The following HERC2 variants were observed in gnomAD, a reference collection of about 807,000 sequenced individuals.
HERC2 encodes HECT and RLD domain containing E3 ubiquitin protein ligase 2, also known as E3 ubiquitin-protein ligase HERC2.
A neutral mutation model predicts 537.7 loss-of-function variants in HERC2; 102 were observed. That is an observed-to-expected ratio of 0.19 (90% CI 0.16 to 0.22). HERC2 has a LOEUF of 0.22. Among genes scored for constraint, HERC2 ranks in the 10% least tolerant of loss-of-function variants. The pLI is 1.00. For missense variants in HERC2, 4,236 were observed against 6,198.2 expected, an observed-to-expected ratio of 0.68 and a Z score of 10.63; for synonymous variants, 2,224 against 2,466.2, an observed-to-expected ratio of 0.90 and a Z score of 2.91.
chr15:28,112,704 T>C (rs1887782840), intron 92 of HERC2, among the ~76,000 whole-genome samples: 1 of 152,102 alleles, frequency 6.6e-6, no homozygotes, highest in East Asian at 1.9e-4. Flanking sequence ...GCAAAACCCT[T>C]GTTCTCAATC....
At chr15:28,152,024 G>T (rs928785136) in intron 70 of HERC2, among the ~76,000 whole-genome samples, 3 of 152,204 alleles carry the variant, frequency 2.0e-5, no homozygotes, top group African/African-American at 7.2e-5. Context: ...TAAGCCTCAG[G>T]GACTGCTGAT....
chr15:28,165,825 T>C (rs1894077600), intron 68 of HERC2, among the ~76,000 whole-genome samples: 2 of 151,918 alleles, frequency 1.3e-5, no homozygotes, highest in South Asian at 4.2e-4. Flanking sequence ...CAAAAACTGA[T>C]GTATGTACCT....
At chr15:28,317,845 G>A (rs1382460882) in intron 2 of HERC2, among the ~76,000 whole-genome samples, 5 of 152,186 alleles carry the variant, frequency 3.3e-5, no homozygotes, top group African/African-American at 1.2e-4. Flanking sequence ...GGCAGTATGC[G>A]CAAATATACA....
intron 78 of HERC2, among the ~76,000 whole-genome samples, chr15:28,139,960 C>T (rs1166095465): frequency 6.7e-6 from 1 of 150,316 alleles, no homozygotes; most frequent in African/African-American, 2.5e-5. Context: ...CCCAGCTACT[C>T]GGGAGGCTGA....
At position 28,272,315 on chromosome 15, in the gene HERC2, C is replaced by T. The variant is rs751715258; in HGVS notation, c.983G>A (p.Arg328His). The change falls in exon 9 of 93, where the codon CGT (arginine) becomes CAT (histidine). Residue 328 changes from arginine (R) to histidine (H), a missense_variant. Physicochemically the swap from Arg to His is conservative, Grantham distance 29. This residue lies in a region of HERC2 where 491 missense variants were observed against 559.3 expected (regional missense o/e 0.88). Coordinates refer to ENST00000261609, the MANE Select transcript of HERC2 (RefSeq NM_004667.6). Reference protein sequence around the residue: ...DSGAQETDNERSAQGTSAPLL... With the variant: ...DSGAQETDNEHSAQGTSAPLL... ...TGGGGCGCTGGTGCCCTGGGCGGAA[C>T]GCTCATTGTCAGTCTCCTGTGCCCC... 3.1e-6 allele frequency: 5 copies of T among 1,611,888 alleles called. No individual in the cohort carries two copies. Among genetic ancestry groups the T allele is most frequent in the South Asian group, 1.1e-5 (1 of 90,494 alleles).
At chr15:28,283,220 C>A (rs2076071223) in intron 4 of HERC2, among the ~76,000 whole-genome samples, 1 of 151,914 alleles carries the variant, frequency 6.6e-6, no homozygotes, top group Non-Finnish European at 1.5e-5. Context: ...GGTAAGCAAA[C>A]CCTAAACAGG....
At chr15:28,155,397 T>C (rs1290897602) in intron 69 of HERC2, among the ~76,000 whole-genome samples, 2 of 152,128 alleles carry the variant, frequency 1.3e-5, no homozygotes, top group African/African-American at 4.8e-5. Context: ...GTAAAAGTGC[T>C]CCTATTTCTC....
At chr15:28,145,294 G>A (rs1466277911) in intron 71 of HERC2, among the ~76,000 whole-genome samples, 1 of 152,250 alleles carries the variant, frequency 6.6e-6, no homozygotes, top group Admixed American at 6.5e-5. Flanking sequence ...GGAGCAGAGG[G>A]CCTGGCTGCT....
chr15:28,137,633 T>C (rs1489058643), intron 78 of HERC2, among the ~76,000 whole-genome samples: 2 of 152,190 alleles, frequency 1.3e-5, no homozygotes, highest in African/African-American at 4.8e-5. Flanking sequence ...AAACGATAAA[T>C]GTGTATGTTC....
intron 65 of HERC2, 36 bp from the exon 66 acceptor site, chr15:28,169,691 A>G: frequency 6.3e-7 from 1 of 1,583,832 alleles, no homozygotes; most frequent in Non-Finnish European, 8.6e-7. Flanking sequence ...TTGTTTTTAA[A>G]ATCACAGTTT....
At chr15:28,202,694 G>A in intron 45 of HERC2, 80 bp from the exon 46 acceptor site, 1 of 469,076 alleles carries the variant, frequency 2.1e-6, no homozygotes. Flanking sequence ...AGGGGTGATG[G>A]CCTTCTACTG....
At position 28,228,289 on chromosome 15, in the gene HERC2, C is replaced by T. The variant is rs761424432; in HGVS notation, c.5393G>A (p.Gly1798Asp). 2.4e-5 allele frequency: 38 copies of T among 1,612,992 alleles called. No homozygotes were observed. The highest frequency in any genetic ancestry group is 3.1e-5 in the Non-Finnish European group (37 of 1,179,870). Residue 1798 changes from glycine (G) to aspartate (D), a missense_variant, in exon 35 of 93, where the codon GGC becomes GAC. Around this residue, in one of 27 missense-constraint regions of HERC2, gnomAD observed 343 missense variants for 417.2 expected, o/e 0.82. Transcript: ENST00000261609. ...VMLSMLTLQH[G>D]ANNLDLLLNS... The stretch of plus-strand genomic sequence containing the variant: ...GAGCAGAAGGTCGAGGTTGTTTGCG[C>T]CGTGCTGCAGGGTGAGCATGCTGAG...
At position 28,269,340 on chromosome 15, in the gene HERC2, C is replaced by T; in HGVS notation, c.1354G>A (p.Gly452Arg). ...TCTGCACAGGCAATCTGTGTGACTCCCAGGTTGGCCAGGCCTTCGCACTGG... is the reference window on the plus strand; with the variant it reads ...TCTGCACAGGCAATCTGTGTGACTCTCAGGTTGGCCAGGCCTTCGCACTGG... ...PIQCEGLANL[G>R]VTQIACAEKR... Residue 452 changes from glycine (G) to arginine (R), a missense_variant, in exon 11 of 93, where the codon GGA (glycine) becomes AGA (arginine). This residue lies in a region of HERC2 where 491 missense variants were observed against 559.3 expected (regional missense o/e 0.88). Coordinates refer to ENST00000261609, the MANE Select transcript of HERC2 (RefSeq NM_004667.6). 4 of 1,614,194 alleles carry T rather than the reference C, an allele frequency of 2.5e-6. No individual in the cohort carries two copies. The highest frequency in any genetic ancestry group is 3.4e-6 in the Non-Finnish European group (4 of 1,180,032).
Position 28,193,512 on chromosome 15 carries a change from C to T in HERC2, c.8261-1361G>A, listed in dbSNP as rs8026251. ...GCCTAACACAAATGAAAGAAGAGTCCCCCCAAAAAGATAGAAAAGAGAATA... is the reference window on the plus strand; with the variant it reads ...GCCTAACACAAATGAAAGAAGAGTCTCCCCAAAAAGATAGAAAAGAGAATA... On this transcript the variant is annotated intron_variant, in intron 52 of 92. Transcript: ENST00000261609. 4.5e-3 allele frequency among the ~76,000 whole-genome samples: 686 copies of T among 151,702 alleles called. 3 individuals carry two copies. Among genetic ancestry groups the T allele is most frequent in the African/African-American group, 0.016 (650 of 41,204 alleles).
At position 28,254,410 on chromosome 15, in the gene HERC2, T is replaced by C. The variant is rs773499643; in HGVS notation, c.2980A>G (p.Asn994Asp). ...CCAGAAGACTCACAGATCCCCGTAT[T>C]AATAAGGTCTTTATCCAGTGGAGTC... ...SRTPLDKDLI[N>D]TGICESSGKQ... The change falls in exon 20 of 93, where the codon AAT becomes GAT. Residue 994 changes from asparagine to aspartate, a missense_variant. Transcript: ENST00000261609. 8.1e-6 allele frequency: 13 copies of C among 1,608,934 alleles called. No individual in the cohort carries two copies. The Admixed American group carries it at 1.9e-4, about 23-fold the overall frequency.
At chr15:28,297,637 A>G (rs568865139) in intron 3 of HERC2, among the ~76,000 whole-genome samples, 82 of 152,316 alleles carry the variant, frequency 5.4e-4, no homozygotes, top group African/African-American at 1.9e-3. Context: ...GATTCCATGT[A>G]TGGAGTTCTA....
At position 28,186,714 on chromosome 15, in the gene HERC2, C is replaced by T; in HGVS notation, c.8688G>A (p.Arg2896=). The T allele has an allele frequency of 1.2e-6, 2 of 1,614,018 alleles. No homozygotes were observed. The highest frequency in any genetic ancestry group is 1.7e-6 in the Non-Finnish European group (2 of 1,179,910). ...GGATTTTACAATCGATTCCTGAGCT[C>T]CTGCACTGCTTTATAGCAATTTCAA... is the stretch of plus-strand genomic sequence containing the variant. ...RYIEIAIKQC[R]SSGIDCKIHG... is the part of the protein sequence containing the mutation. Residue 2896 remains arginine (R), a synonymous_variant, in exon 56 of 93, where the codon AGG becomes AGA. Coordinates refer to ENST00000261609, the MANE Select transcript of HERC2 (RefSeq NM_004667.6).
chr15:28,301,773 A>G (rs1323985935), intron 2 of HERC2, among the ~76,000 whole-genome samples: 3 of 108,560 alleles, frequency 2.8e-5, no homozygotes, highest in Non-Finnish European at 5.4e-5. Flanking sequence ...ATATATATAT[A>G]TATATATGGG....
chr15:28,131,905 G>A (rs190157403), intron 81 of HERC2, among the ~76,000 whole-genome samples, 195 bp downstream of exon 81: 2 of 152,138 alleles, frequency 1.3e-5, no homozygotes, highest in South Asian at 4.1e-4. Flanking sequence ...CTCCCTCTAG[G>A]CCCTCCACAC....
Sources: gnomAD v4.1 joint callset for allele counts (sites outside exome capture counted in the v4.1 genomes callset) on GRCh38, gnomAD v4.1.1 for gene constraint, gnomAD v4.1.1 regional missense constraint, MANE v1.5 for transcripts, NCBI Gene and HGNC (gene_info 2026-07-23, HGNC 2026-07-21) for gene names.